The following DIAPH1 variants were observed in gnomAD, a reference collection of about 807,000 sequenced individuals.
DIAPH1 encodes diaphanous related formin 1.
Under a neutral mutation model 140.7 loss-of-function variants are expected in DIAPH1, and 46 were observed. That is an observed-to-expected ratio of 0.33 (90% CI 0.26 to 0.42). The LOEUF is 0.42. Ranked by LOEUF, DIAPH1 falls within the 10% of genes least tolerant of loss-of-function variation. The pLI is 1.00. For synonymous variants in DIAPH1, 565 were observed against 551.6 expected, an observed-to-expected ratio of 1.02 and a Z score of -0.34; for missense variants, 1,310 against 1,558.7, an observed-to-expected ratio of 0.84 and a Z score of 2.69.
chr5:141,551,871 A>G (rs2099891742), intron 18 of DIAPH1, among the ~76,000 whole-genome samples: 1 of 152,210 alleles, frequency 6.6e-6, no homozygotes. Flanking sequence ...TGCACACAGA[A>G]CATTTATAAT....
At position 141,575,044 on chromosome 5, in the gene DIAPH1, C is replaced by A; in HGVS notation, c.1564G>T (p.Ala522Ser). 1 of 1,614,170 alleles carries A rather than the reference C, an allele frequency of 6.2e-7. No individual in the cohort carries two copies. Among genetic ancestry groups the A allele is most frequent in the East Asian group, 2.2e-5 (1 of 44,886 alleles). Reference protein sequence around the residue: ...KLQDLQGEKDALHSEKQQIAT... With the variant: ...KLQDLQGEKDSLHSEKQQIAT... Reference sequence around the variant, plus strand: ...ATTTGCTGCTTTTCAGAATGCAGTGCATCTTTTTCTCCCTGAAGATCTTGA... The same window carrying A: ...ATTTGCTGCTTTTCAGAATGCAGTGAATCTTTTTCTCCCTGAAGATCTTGA... The change falls in exon 15 of 28, where the codon GCA (alanine) becomes TCA (serine). Residue 522 changes from alanine to serine, a missense_variant. This residue lies in a region of DIAPH1 where 589 missense variants were observed against 549.3 expected (regional missense o/e 1.07). Transcript: ENST00000389054.
chr5:141,531,195 T>C (rs1290831088), intron 19 of DIAPH1, among the ~76,000 whole-genome samples: 1 of 152,174 alleles, frequency 6.6e-6, no homozygotes, highest in Admixed American at 6.5e-5. Flanking sequence ...TCCTGCTGAA[T>C]TTTCCTATTT....
intron 15 of DIAPH1, 69 bp from the exon 16 acceptor site, chr5:141,574,277 T>C: frequency 6.7e-7 from 1 of 1,487,728 alleles, no homozygotes; most frequent in Non-Finnish European, 9.4e-7. Flanking sequence ...GGAAGGAACC[T>C]AATAAACTAC....
intron 18 of DIAPH1, among the ~76,000 whole-genome samples, chr5:141,541,514 C>T (rs2099889958): frequency 6.6e-6 from 1 of 151,664 alleles, no homozygotes; most frequent in Non-Finnish European, 1.5e-5. Flanking sequence ...ATGGTGAAAG[C>T]CTGTCTCTAC....
chr5:141,578,734 AC>A (rs1450041083), intron 9 of DIAPH1, 109 bp from the exon 10 acceptor site: 1 of 852,040 alleles, frequency 1.2e-6, no homozygotes, highest in Non-Finnish European at 1.9e-6. Flanking sequence ...AAGATACAAT[AC>A]AAAAACTCTA....
intron 27 of DIAPH1, among the ~76,000 whole-genome samples, chr5:141,520,598 G>A (rs1278801158): frequency 6.6e-6 from 1 of 152,168 alleles, no homozygotes; most frequent in Non-Finnish European, 1.5e-5. Flanking sequence ...ACAGTCTGCA[G>A]AACTGTCAGC....
chr5:141,528,413 A>G, intron 23 of DIAPH1, 40 bp downstream of exon 23: 2 of 1,613,670 alleles, frequency 1.2e-6, no homozygotes, highest in Non-Finnish European at 1.7e-6. Flanking sequence ...CTCCCCATGC[A>G]GAGACTTTTG....
rs556330826 is a variant in DIAPH1, at chr5:141,580,897, G to C, written c.685-14C>G. ...CTTGATTCCAAACTGGTAGGACCAA[G>C]AACAAAGAAAGGAGGCTGAAAGACG... On this transcript the variant is annotated splice_polypyrimidine_tract_variant and intron_variant, in intron 7 of 27. Transcript: ENST00000389054. The C allele has an allele frequency of 5.0e-6, 8 of 1,614,126 alleles. No individual in the cohort carries two copies. The African/African-American group carries it at 5.3e-5, about 11-fold the overall frequency.
intron 18 of DIAPH1, among the ~76,000 whole-genome samples, chr5:141,554,038 G>A (rs900869608): frequency 6.6e-6 from 1 of 152,138 alleles, no homozygotes; most frequent in Non-Finnish European, 1.5e-5. Context: ...CAGTACTTTG[G>A]GAGGCTGAGG....
Position 141,527,703 on chromosome 5 carries a change from A to AAG in DIAPH1, c.3149-7_3149-6insCT. On this transcript the variant is annotated splice_polypyrimidine_tract_variant and splice_region_variant and intron_variant, in intron 23 of 27. Transcript: ENST00000389054. ...TTGCAAGTTTTCAGCAGAAACTAAA[A>AAG]AAAAAAAAAAAAAAAAAAACCATAA... 1 of 1,461,050 alleles carries AAG rather than the reference A, an allele frequency of 6.8e-7. No individual in the cohort carries two copies. The highest frequency in any genetic ancestry group is 2.4e-5 in the East Asian group (1 of 40,838). 90.5% of individuals were successfully genotyped at this position (1,461,050 alleles called of 1,614,324 possible).
chr5:141,587,206 C>T lies in DIAPH1; in HGVS notation c.145-9G>A. On this transcript the variant is annotated splice_polypyrimidine_tract_variant and intron_variant, in intron 2 of 27. Transcript: ENST00000389054. ...CTGGTAAATCTCTCCAGCTGAGAAACAGAAAAAAGCATTAGCAGTGATCCA... is the reference window on the plus strand; with the variant it reads ...CTGGTAAATCTCTCCAGCTGAGAAATAGAAAAAAGCATTAGCAGTGATCCA... 6.2e-7 allele frequency: 1 copy of T among 1,613,562 alleles called. No individual in the cohort carries two copies. The highest frequency in any genetic ancestry group is 8.5e-7 in the Non-Finnish European group (1 of 1,179,886).
intron 18 of DIAPH1, among the ~76,000 whole-genome samples, chr5:141,541,697 AAAAGAAAGAAAAAG>A (rs1227405306): frequency 6.6e-6 from 1 of 151,530 alleles, no homozygotes; most frequent in Non-Finnish European, 1.5e-5. Context: ...AAAAAAAAAA[AAAAGAAAGAAAAAG>A]AAGAAAGAAA....
chr5:141,576,716 A>C (rs1479882563), intron 13 of DIAPH1, 40 bp downstream of exon 13: 4 of 1,282,084 alleles, frequency 3.1e-6, no homozygotes, highest in Non-Finnish European at 4.6e-6. Context: ...TGAAAGGAAG[A>C]AGCAATACTT....
intron 1 of DIAPH1, among the ~76,000 whole-genome samples, chr5:141,595,926 G>A (rs566193589): frequency 6.6e-6 from 1 of 152,344 alleles, no homozygotes; most frequent in South Asian, 2.1e-4. Context: ...GCTCACATCT[G>A]TAATCCCGGC....
chr5:141,541,223 T>C (rs1190919028), intron 18 of DIAPH1, among the ~76,000 whole-genome samples: 1 of 152,210 alleles, frequency 6.6e-6, no homozygotes, highest in Non-Finnish European at 1.5e-5. Flanking sequence ...GATTTAAAAC[T>C]CTAGGTAAAC....
intron 1 of DIAPH1, 90 bp from the exon 2 acceptor site, chr5:141,588,340 G>T: frequency 1.0e-6 from 1 of 955,752 alleles, no homozygotes; most frequent in South Asian, 1.3e-5. Context: ...TTGGGGAAAA[G>T]AGGGAGAGAA....
intron 1 of DIAPH1, among the ~76,000 whole-genome samples, chr5:141,614,241 T>C (rs1056997390): frequency 2.0e-5 from 3 of 152,198 alleles, no homozygotes; most frequent in Non-Finnish European, 2.9e-5. Flanking sequence ...ACAAACTCTT[T>C]GCTTCTCTAT....
At chr5:141,543,976 A>G (rs1225410072) in intron 18 of DIAPH1, among the ~76,000 whole-genome samples, 1 of 152,220 alleles carries the variant, frequency 6.6e-6, no homozygotes, top group Non-Finnish European at 1.5e-5. Context: ...AAATCTTCAC[A>G]GCTTTGAGGT....
chr5:141,609,147 C>G (rs1366771429), intron 1 of DIAPH1, among the ~76,000 whole-genome samples: 2 of 112,806 alleles, frequency 1.8e-5, no homozygotes, highest in East Asian at 5.6e-4. Flanking sequence ...CCAATGGCTT[C>G]AAAGTCTAAA....
Sources: allele counts gnomAD v4.1 joint callset (sites outside exome capture counted in the v4.1 genomes callset), GRCh38; gene constraint gnomAD v4.1.1; regional missense constraint gnomAD v4.1.1; transcripts MANE v1.5; gene names NCBI Gene and HGNC (gene_info 2026-07-23, HGNC 2026-07-21).